AP1B1: variants seen among roughly 807,000 people sequenced by gnomAD.
AP1B1 encodes the protein adaptor related protein complex 1 subunit beta 1.
AP1B1 carries 36 observed loss-of-function variants against 104.3 expected under a neutral mutation model. The ratio of observed to expected loss-of-function variants is 0.35; its 90% CI spans 0.26 to 0.46. The LOEUF is 0.46. Ranked by LOEUF, AP1B1 falls within the 20% of genes least tolerant of loss-of-function variation. The pLI is 1.00. For synonymous variants in AP1B1, 504 were observed against 517.5 expected, an observed-to-expected ratio of 0.97 and a Z score of 0.35; for missense variants, 901 against 1,247.9, an observed-to-expected ratio of 0.72 and a Z score of 4.19.
chr22:29,343,789 C>G (rs1400337803), intron 11 of AP1B1, among the ~76,000 whole-genome samples: 1 of 151,996 alleles, frequency 6.6e-6, no homozygotes, highest in African/African-American at 2.4e-5. Context: ...CACCTCACAG[C>G]GTTAATGGAG....
At chr22:29,329,030 G>A (rs554548378) in intron 22 of AP1B1, 135 bp from the exon 23 acceptor site, 37 of 1,469,434 alleles carry the variant, frequency 2.5e-5, no homozygotes, top group East Asian at 1.2e-4. Flanking sequence ...GCTGCGCCTG[G>A]CACAGATGTG....
intron 1 of AP1B1, among the ~76,000 whole-genome samples, chr22:29,377,904 G>A (rs1457505337): frequency 2.0e-5 from 3 of 152,050 alleles, no homozygotes; most frequent in Non-Finnish European, 4.4e-5. Context: ...GTACCAGGGA[G>A]GTCAAGGCAT....
chr22:29,367,691 G>T (rs2062166958), intron 1 of AP1B1, among the ~76,000 whole-genome samples: 1 of 152,034 alleles, frequency 6.6e-6, no homozygotes, highest in Non-Finnish European at 1.5e-5. Context: ...CCCTTTGTGG[G>T]ACCCACTTTG....
intron 8 of AP1B1, 54 bp downstream of exon 8, chr22:29,351,651 G>A (rs968124692): frequency 1.2e-5 from 20 of 1,600,570 alleles, no homozygotes; most frequent in African/African-American, 2.7e-5. Context: ...CAGTCTGGTG[G>A]TGGTGGAATG....
chr22:29,365,607 TTCTC>T (rs564583181), intron 2 of AP1B1, among the ~76,000 whole-genome samples: 71 of 152,054 alleles, frequency 4.7e-4, no homozygotes, highest in Admixed American at 9.2e-4. Flanking sequence ...TCCAATTGCT[TTCTC>T]TCTTTTTTCA....
At position 29,330,378 on chromosome 22, in the gene AP1B1, C is replaced by A; in HGVS notation, c.2766G>T (p.Thr922=). Residue 922 remains threonine (T), a splice_region_variant and synonymous_variant, in exon 21 of 23, where the codon ACG becomes ACT. Coordinates refer to ENST00000357586, the MANE Select transcript of AP1B1 (RefSeq NM_001127.4). ...LRIQPGNPSC[T]DLELSLKCRA... is the part of the protein sequence containing the mutation. ...GCAGGGCGGGTGCCGGGGCTCTCAC[C>A]GTGCAGCTGGGGTTGCCCGGCTGGA... 1 of 1,613,178 alleles carries A rather than the reference C, an allele frequency of 6.2e-7. No individual in the cohort carries two copies. The highest frequency in any genetic ancestry group is 8.5e-7 in the Non-Finnish European group (1 of 1,179,764).
intron 1 of AP1B1, chr22:29,370,447 A>G (rs1261572923): frequency 3.5e-5 from 5 of 144,670 alleles, no homozygotes; most frequent in Non-Finnish European, 7.6e-5. Context: ...AGTGAGACTC[A>G]GTCTCAAAAA....
At chr22:29,380,906 TA>T (rs1346526860) in intron 1 of AP1B1, among the ~76,000 whole-genome samples, 1 of 152,156 alleles carries the variant, frequency 6.6e-6, no homozygotes, top group Non-Finnish European at 1.5e-5. Flanking sequence ...CCAAAGTCCC[TA>T]CCATGGCCTC....
intron 11 of AP1B1, among the ~76,000 whole-genome samples, chr22:29,346,425 T>C (rs1023938125): frequency 1.3e-5 from 2 of 152,194 alleles, no homozygotes; most frequent in Non-Finnish European, 2.9e-5. Context: ...GGTTTCAGGA[T>C]GAAACTGCTC....
intron 4 of AP1B1, 47 bp downstream of exon 4, chr22:29,359,777 G>C: frequency 6.3e-7 from 1 of 1,578,252 alleles, no homozygotes; most frequent in South Asian, 1.2e-5. Flanking sequence ...AGGGGAGACA[G>C]AGCCTTAAGC....
Position 29,339,067 on chromosome 22 carries a change from C to T in AP1B1, c.2086G>A (p.Gly696Ser), listed in dbSNP as rs145640648. 2.3e-4 allele frequency: 365 copies of T among 1,614,172 alleles called. No homozygotes were observed. The highest frequency in any genetic ancestry group is 2.8e-4 in the Non-Finnish European group (332 of 1,180,038). The change falls in exon 16 of 23, where the codon GGC becomes AGC. Residue 696 changes from glycine (G) to serine (S), a missense_variant. Gly to Ser is a moderately conservative substitution (Grantham distance 56, BLOSUM62 0). Transcript: ENST00000357586. ...AVPANLGAPIGSGLSDLFDLT... is the reference protein window; with the variant it reads ...AVPANLGAPISSGLSDLFDLT... ...TCAAAGAGGTCACTCAGGCCACTGC[C>T]GATGGGTGCTCCAAGATTGGCTGGT...
intron 3 of AP1B1, among the ~76,000 whole-genome samples, chr22:29,361,088 A>C (rs1227064486): frequency 6.6e-6 from 1 of 152,238 alleles, no homozygotes; most frequent in African/African-American, 2.4e-5. Context: ...GAGATGGAAG[A>C]ACAAAGATGT....
At chr22:29,329,966 G>A in intron 21 of AP1B1, 1 of 1,417,276 alleles carries the variant, frequency 7.1e-7, no homozygotes, top group Non-Finnish European at 9.2e-7. Context: ...TGTGCCCCAG[G>A]GAAGCCATTC....
chr22:29,364,667 G>A (rs2062103750), intron 2 of AP1B1, among the ~76,000 whole-genome samples: 1 of 150,878 alleles, frequency 6.6e-6, no homozygotes, highest in Non-Finnish European at 1.5e-5. Flanking sequence ...GCCCGCCTTG[G>A]TCTCCCAAAG....
intron 1 of AP1B1, chr22:29,370,478 G>GAAAT (rs1485700713): frequency 1.3e-5 from 2 of 148,864 alleles, no homozygotes; most frequent in African/African-American, 2.5e-5. Context: ...AAGAAAGAAA[G>GAAAT]AAAGAAAGAA....
chr22:29,329,709 A>G lies in AP1B1; in HGVS notation c.2775+3T>C. On this transcript the variant is annotated splice_donor_region_variant and intron_variant, in intron 22 of 22. Coordinates refer to ENST00000357586, the MANE Select transcript of AP1B1 (RefSeq NM_001127.4). The stretch of plus-strand genomic sequence containing the variant: ...ACGGGGAAAGAGAAAGCGATCTGCT[A>G]ACCTCTAAGTCCTGCACCACGGGAA... 2 of 1,613,644 alleles carry G rather than the reference A, an allele frequency of 1.2e-6. No homozygotes were observed. The highest frequency in any genetic ancestry group is 8.5e-7 in the Non-Finnish European group (1 of 1,179,718).
At chr22:29,353,101 G>A (rs2061902545) in intron 7 of AP1B1, among the ~76,000 whole-genome samples, 1 of 152,190 alleles carries the variant, frequency 6.6e-6, no homozygotes, top group Admixed American at 6.5e-5. Context: ...GCTAATGTCA[G>A]TAAAGACGAG....
intron 5 of AP1B1, 117 bp downstream of exon 5, chr22:29,358,609 C>T (rs774140965): frequency 3.5e-5 from 49 of 1,391,742 alleles, no homozygotes; most frequent in South Asian, 1.2e-4. Context: ...CAACTGGCAC[C>T]CCCAGCCAGG....
intron 1 of AP1B1, among the ~76,000 whole-genome samples, chr22:29,382,518 GGAAA>G (rs923065070): frequency 2.0e-5 from 3 of 152,220 alleles, no homozygotes; most frequent in Non-Finnish European, 4.4e-5. Flanking sequence ...TCCTAATGGG[GGAAA>G]GAGACCGTAA....
Sources: allele counts gnomAD v4.1 joint callset (sites outside exome capture counted in the v4.1 genomes callset), GRCh38; gene constraint gnomAD v4.1.1; transcripts MANE v1.5; gene names NCBI Gene and HGNC (gene_info 2026-07-23, HGNC 2026-07-21).